ITGB8: variants seen among roughly 807,000 people sequenced by gnomAD.
ITGB8 encodes the protein integrin subunit beta 8, also known as integrin beta-8.
A neutral mutation model predicts 89.5 loss-of-function variants in ITGB8; 30 were observed. That is an observed-to-expected ratio of 0.34 (90% CI 0.25 to 0.45). ITGB8 has a LOEUF of 0.45. Among genes scored for constraint, ITGB8 ranks in the 20% least tolerant of loss-of-function variants. The pLI, the probability that ITGB8 is intolerant of heterozygous loss-of-function variation, is 1.00. For synonymous variants in ITGB8, 335 were observed against 320.4 expected (o/e 1.05, Z -0.49); for missense variants, 836 against 933.3 (o/e 0.90, Z 1.36).
chr7:20,341,562 G>T (rs1027736179), intron 1 of ITGB8, among the ~76,000 whole-genome samples: 5 of 152,190 alleles, frequency 3.3e-5, no homozygotes, highest in African/African-American at 1.2e-4. Flanking sequence ...TGTAAAGAAG[G>T]TATCCAAGGC....
At chr7:20,348,801 A>C (rs1012155738) in intron 1 of ITGB8, among the ~76,000 whole-genome samples, 1 of 152,224 alleles carries the variant, frequency 6.6e-6, no homozygotes, top group Non-Finnish European at 1.5e-5. Context: ...GGAGAATCTC[A>C]TAAGTAGCCA....
chr7:20,407,859 C>T (rs950612376), intron 12 of ITGB8, among the ~76,000 whole-genome samples: 2 of 152,204 alleles, frequency 1.3e-5, no homozygotes, highest in Non-Finnish European at 1.5e-5. Flanking sequence ...TGTTTGACCA[C>T]TCATAGCATT....
At chr7:20,353,931 C>CAAAAAAAAAAAAAA (rs1158594685) in intron 1 of ITGB8, among the ~76,000 whole-genome samples, 1 of 55,716 alleles carries the variant, frequency 1.8e-5, no homozygotes, top group African/African-American at 7.9e-5. Flanking sequence ...GACTCCGTCT[C>CAAAAAAAAAAAAAA]AAAAAAAAAA....
At chr7:20,369,813 T>C (rs1785854386) in intron 3 of ITGB8, among the ~76,000 whole-genome samples, 2 of 152,076 alleles carry the variant, frequency 1.3e-5, no homozygotes, top group Non-Finnish European at 2.9e-5. Flanking sequence ...AAATAAATAT[T>C]AAATAACAGC....
At chr7:20,351,435 C>T (rs918760471) in intron 1 of ITGB8, among the ~76,000 whole-genome samples, 32 of 152,194 alleles carry the variant, frequency 2.1e-4, no homozygotes, top group Non-Finnish European at 4.3e-4. Flanking sequence ...CATAGCAGAA[C>T]TTTCCTCATG....
chr7:20,337,532 T>A (rs938496370), intron 1 of ITGB8, among the ~76,000 whole-genome samples: 6 of 152,224 alleles, frequency 3.9e-5, no homozygotes, highest in Non-Finnish European at 7.3e-5. Context: ...AATATATCCT[T>A]TAATGCTTAC....
At chr7:20,403,715 G>C (rs923174165) in intron 10 of ITGB8, among the ~76,000 whole-genome samples, 1 of 151,970 alleles carries the variant, frequency 6.6e-6, no homozygotes, top group Non-Finnish European at 1.5e-5. Context: ...AGAAGAGAGA[G>C]AGGGAGCTAA....
At chr7:20,350,080 G>A (rs574131770) in intron 1 of ITGB8, among the ~76,000 whole-genome samples, 46 of 152,304 alleles carry the variant, frequency 3.0e-4, no homozygotes, top group African/African-American at 1.0e-3. Flanking sequence ...TTTATTGAAT[G>A]TATAGGGATT....
intron 6 of ITGB8, among the ~76,000 whole-genome samples, chr7:20,388,872 T>C (rs567178827): frequency 2.3e-4 from 35 of 152,256 alleles, no homozygotes; most frequent in African/African-American, 8.2e-4. Flanking sequence ...CACTTATGAG[T>C]GAGAACATGC....
At chr7:20,389,400 C>G (rs1354467340) in intron 6 of ITGB8, among the ~76,000 whole-genome samples, 2 of 152,106 alleles carry the variant, frequency 1.3e-5, no homozygotes, top group Non-Finnish European at 2.9e-5. Context: ...TAATAAGCTT[C>G]TGACCAAACT....
chr7:20,378,231 C>T (rs915685288), intron 3 of ITGB8, among the ~76,000 whole-genome samples: 3 of 152,182 alleles, frequency 2.0e-5, no homozygotes, highest in African/African-American at 4.8e-5. Context: ...TAGTTCCCTG[C>T]GGGGACTACC....
chr7:20,350,471 C>A (rs1050318301), intron 1 of ITGB8, among the ~76,000 whole-genome samples: 2 of 152,150 alleles, frequency 1.3e-5, no homozygotes, highest in Non-Finnish European at 2.9e-5. Context: ...TAAAATAAAT[C>A]TTTCCTATTA....
intron 1 of ITGB8, among the ~76,000 whole-genome samples, chr7:20,336,963 T>G (rs1427022550): frequency 2.6e-5 from 4 of 152,202 alleles, no homozygotes; most frequent in Non-Finnish European, 5.9e-5. Flanking sequence ...GAAATAAAAT[T>G]TTCTTTTAAA....
At chr7:20,409,240 G>T (rs1787670057) in intron 12 of ITGB8, among the ~76,000 whole-genome samples, 1 of 152,182 alleles carries the variant, frequency 6.6e-6, no homozygotes, top group Non-Finnish European at 1.5e-5. Flanking sequence ...TCCATTTAGT[G>T]ATCAACAGTA....
intron 7 of ITGB8, among the ~76,000 whole-genome samples, chr7:20,393,354 C>T (rs1042523257): frequency 3.3e-5 from 5 of 152,196 alleles, no homozygotes; most frequent in South Asian, 4.1e-4. Context: ...TGGGAAGCTC[C>T]GGTGTGAGCC....
intron 1 of ITGB8, among the ~76,000 whole-genome samples, chr7:20,362,525 T>C (rs1316525530): frequency 6.6e-6 from 1 of 152,214 alleles, no homozygotes; most frequent in African/African-American, 2.4e-5. Flanking sequence ...CATCCCTCTC[T>C]AAAGCAGAGT....
chr7:20,356,403 T>A (rs560583406), intron 1 of ITGB8, among the ~76,000 whole-genome samples: 2 of 152,304 alleles, frequency 1.3e-5, no homozygotes, highest in Admixed American at 6.5e-5. Context: ...ATGATATGTA[T>A]ATCTAGAAGG....
At chr7:20,389,132 G>T (rs1183599823) in intron 6 of ITGB8, among the ~76,000 whole-genome samples, 3 of 152,214 alleles carry the variant, frequency 2.0e-5, no homozygotes, top group Middle Eastern at 3.4e-3. Context: ...AATCCTTTGG[G>T]TATATACCCA....
chr7:20,376,089 GCT>G (rs962020156), intron 3 of ITGB8, among the ~76,000 whole-genome samples: 3 of 152,050 alleles, frequency 2.0e-5, no homozygotes, highest in African/African-American at 7.2e-5. Flanking sequence ...ACATTTCCAG[GCT>G]CTGTTTAAAA....
Sources: gnomAD v4.1 joint callset for allele counts (sites outside exome capture counted in the v4.1 genomes callset) on GRCh38, gnomAD v4.1.1 for gene constraint, MANE v1.5 for transcripts, NCBI Gene and HGNC (gene_info 2026-07-23, HGNC 2026-07-21) for gene names.